Variants in ANTXR1 observed in about 807,000 individuals in gnomAD.
ANTXR1 encodes the protein ANTXR cell adhesion molecule 1.
ANTXR1 carries 19 observed loss-of-function variants against 78.1 expected under a neutral mutation model. That is an observed-to-expected ratio of 0.24 (90% CI 0.17 to 0.36). The LOEUF (loss-of-function observed/expected upper bound fraction) is 0.36, where lower values mean the gene tolerates loss of function less well. Ranked by LOEUF, ANTXR1 falls within the 10% of genes least tolerant of loss-of-function variation. ANTXR1 has a pLI of 1.00. For synonymous variants in ANTXR1, 273 were observed against 260.5 expected (o/e 1.05, Z -0.46); for missense variants, 518 against 718.6 (o/e 0.72, Z 3.19).
chr2:69,115,704 T>G (rs1672118239), intron 10 of ANTXR1, among the ~76,000 whole-genome samples: 1 of 152,102 alleles, frequency 6.6e-6, no homozygotes, highest in Admixed American at 6.5e-5. Context: ...ACTGGTAAAA[T>G]AGCTACAGAC....
chr2:69,025,439 G>A (rs1263663970), intron 1 of ANTXR1, among the ~76,000 whole-genome samples: 2 of 152,094 alleles, frequency 1.3e-5, no homozygotes, highest in African/African-American at 4.8e-5. Context: ...TTTTTCCCCT[G>A]ATGCTTAATG....
At chr2:69,132,416 A>T (rs1044923145) in intron 12 of ANTXR1, among the ~76,000 whole-genome samples, 1 of 152,204 alleles carries the variant, frequency 6.6e-6, no homozygotes, top group Non-Finnish European at 1.5e-5. Context: ...CTTTAAAGCG[A>T]TGAGAGAATA....
chr2:69,181,731 A>C, intron 14 of ANTXR1, 55 bp from the exon 15 acceptor site: 1 of 1,520,660 alleles, frequency 6.6e-7, no homozygotes, highest in Non-Finnish European at 9.1e-7. Context: ...TGTAGTAGGC[A>C]GGTCCACACA....
chr2:69,078,115 C>T (rs1300199230), intron 8 of ANTXR1, among the ~76,000 whole-genome samples: 2 of 152,200 alleles, frequency 1.3e-5, no homozygotes, highest in African/African-American at 4.8e-5. Flanking sequence ...TGATTTTCTT[C>T]ACACCTTTTC....
At chr2:69,054,927 G>T (rs1016568547) in intron 3 of ANTXR1, among the ~76,000 whole-genome samples, 3 of 152,084 alleles carry the variant, frequency 2.0e-5, no homozygotes, top group African/African-American at 7.2e-5. Context: ...TTATTCTCTT[G>T]TCCTGTTGAT....
intron 3 of ANTXR1, among the ~76,000 whole-genome samples, chr2:69,065,196 C>T (rs113922211): frequency 4.6e-5 from 7 of 151,908 alleles, no homozygotes; most frequent in East Asian, 1.9e-4. Flanking sequence ...GAGGCCGAGG[C>T]GGGCGGATCA....
rs1207111616 is a variant in ANTXR1 at position 69,170,261 on chromosome 2, T to A, written c.1061T>A (p.Val354Asp). 1 of 1,614,052 alleles carries A rather than the reference T, an allele frequency of 6.2e-7. No individual in the cohort carries two copies. The change falls in exon 14 of 18, where the codon GTC becomes GAC. Residue 354 changes from valine (V) to aspartate (D), a missense_variant. Physicochemically the swap from Val to Asp is radical, Grantham distance 152. Transcript: ENST00000303714. Reference sequence around the variant, plus strand: ...TTTTCTTTTCAGATTATCAAGGAGGTCCCTCCACCCCCTGCCGAGGAGAGT... The same window carrying A: ...TTTTCTTTTCAGATTATCAAGGAGGACCCTCCACCCCCTGCCGAGGAGAGT... ...PLCCTVIIKE[V>D]PPPPAEESEE...
chr2:69,113,788 C>G (rs1443240112), intron 10 of ANTXR1, among the ~76,000 whole-genome samples: 1 of 152,178 alleles, frequency 6.6e-6, no homozygotes, highest in Non-Finnish European at 1.5e-5. Context: ...GTGCATGAAT[C>G]CTGAATTATC....
chr2:69,211,910 C>T (rs1031875855), intron 17 of ANTXR1, among the ~76,000 whole-genome samples: 1 of 152,172 alleles, frequency 6.6e-6, no homozygotes, highest in East Asian at 1.9e-4. Context: ...CTCACACCAC[C>T]CCCGGCCCAA....
At chr2:69,240,541 G>C (rs1453033775) in intron 17 of ANTXR1, among the ~76,000 whole-genome samples, 4 of 152,210 alleles carry the variant, frequency 2.6e-5, no homozygotes, top group Admixed American at 2.6e-4. Context: ...AATCACTGAA[G>C]AATTTTGAGC....
At chr2:69,210,252 C>A (rs1436679768) in intron 17 of ANTXR1, among the ~76,000 whole-genome samples, 1 of 152,202 alleles carries the variant, frequency 6.6e-6, no homozygotes, top group East Asian at 1.9e-4. Flanking sequence ...CGTAATAATG[C>A]CCAGAAGACA....
intron 10 of ANTXR1, among the ~76,000 whole-genome samples, chr2:69,111,658 C>T (rs1374391325): frequency 6.6e-6 from 1 of 152,216 alleles, no homozygotes; most frequent in Non-Finnish European, 1.5e-5. Context: ...AAGGATAAAG[C>T]TTTGTCCCAT....
At chr2:69,079,712 G>T (rs1211343297) in intron 8 of ANTXR1, among the ~76,000 whole-genome samples, 2 of 152,192 alleles carry the variant, frequency 1.3e-5, no homozygotes, top group Admixed American at 1.3e-4. Context: ...TTGCATACGT[G>T]GGAGGGAGAC....
intron 12 of ANTXR1, among the ~76,000 whole-genome samples, chr2:69,127,660 A>G (rs1672583111): frequency 6.6e-6 from 1 of 152,154 alleles, no homozygotes; most frequent in African/African-American, 2.4e-5. Context: ...GATGGGTTGA[A>G]TCAGGGGAGG....
At chr2:69,116,438 T>G (rs1672145819) in intron 10 of ANTXR1, among the ~76,000 whole-genome samples, 1 of 152,246 alleles carries the variant, frequency 6.6e-6, no homozygotes, top group Non-Finnish European at 1.5e-5. Context: ...TGGTTACTTT[T>G]GGAGGCAGTG....
At chr2:69,099,285 G>C (rs1671533610) in intron 9 of ANTXR1, among the ~76,000 whole-genome samples, 1 of 152,190 alleles carries the variant, frequency 6.6e-6, no homozygotes, top group Non-Finnish European at 1.5e-5. Context: ...GCATGTATGA[G>C]AATTTGATTT....
At chr2:69,145,325 G>A in intron 12 of ANTXR1, 1 of 1,592,042 alleles carries the variant, frequency 6.3e-7, no homozygotes, top group Non-Finnish European at 8.6e-7. Flanking sequence ...CTTTCTTAAA[G>A]AGCCTCCACA....
At position 69,046,820 on chromosome 2, in the gene ANTXR1, A is replaced by T. The variant is rs79465581; in HGVS notation, c.296+2007A>T. ...TTTTTCTATCTCACTTGATTGTCAC[A>T]ATATCCCTATAAAACAGTAAAGGGT... On this transcript the variant is annotated intron_variant, in intron 3 of 17. Transcript: ENST00000303714. Among the ~76,000 whole-genome samples, 860 of 152,294 alleles carry T rather than the reference A, an allele frequency of 5.6e-3. 8 individuals carry two copies. The highest frequency in any genetic ancestry group is 0.019 in the African/African-American group (803 of 41,558).
chr2:69,017,739 G>C (rs1671063917), intron 1 of ANTXR1, among the ~76,000 whole-genome samples: 1 of 152,112 alleles, frequency 6.6e-6, no homozygotes, highest in African/African-American at 2.4e-5. Flanking sequence ...AAAATAGATT[G>C]CTGGGAATTC....
Sources: gnomAD v4.1 joint callset for allele counts (sites outside exome capture counted in the v4.1 genomes callset) on GRCh38, gnomAD v4.1.1 for gene constraint, MANE v1.5 for transcripts, NCBI Gene and HGNC (gene_info 2026-07-23, HGNC 2026-07-21) for gene names.